Variants in DNAJC6 observed in about 807,000 individuals in gnomAD.
DNAJC6 encodes DnaJ heat shock protein family (Hsp40) member C6, also known as auxilin.
In DNAJC6, 34 loss-of-function variants were observed where a neutral mutation model predicts 110.0. The observed-to-expected ratio is 0.31, with a 90% CI of 0.24 to 0.41. DNAJC6 has a LOEUF of 0.41. Ranked by LOEUF, DNAJC6 falls within the 10% of genes least tolerant of loss-of-function variation. DNAJC6 has a pLI of 1.00. For missense variants in DNAJC6, 1,031 were observed against 1,207.8 expected, an observed-to-expected ratio of 0.85 and a Z score of 2.17; for synonymous variants, 406 against 437.2, an observed-to-expected ratio of 0.93 and a Z score of 0.89.
At chr1:65,350,291 A>G (rs1645478654) in intron 1 of DNAJC6, among the ~76,000 whole-genome samples, 1 of 152,186 alleles carries the variant, frequency 6.6e-6, no homozygotes, top group Admixed American at 6.5e-5. Flanking sequence ...AAGATCATTT[A>G]GCAAAATTTT....
chr1:65,398,169 G>T (rs1037914736), intron 13 of DNAJC6, among the ~76,000 whole-genome samples: 1 of 152,068 alleles, frequency 6.6e-6, no homozygotes, highest in Non-Finnish European at 1.5e-5. Flanking sequence ...GAACTTTGAG[G>T]GGGGGTCAGA....
At chr1:65,318,647 A>G (rs1006546044) in intron 1 of DNAJC6, among the ~76,000 whole-genome samples, 6 of 152,214 alleles carry the variant, frequency 3.9e-5, no homozygotes, top group Non-Finnish European at 7.3e-5. Flanking sequence ...GCGGGAGCTG[A>G]AGATGAGAAC....
intron 15 of DNAJC6, among the ~76,000 whole-genome samples, chr1:65,404,570 G>A (rs988670089): frequency 3.3e-5 from 5 of 152,164 alleles, no homozygotes; most frequent in African/African-American, 9.7e-5. Context: ...AATGAAGAAC[G>A]AATGCAAGAA....
rs7546924 is a variant in DNAJC6, at chr1:65,409,107, A to G, written c.2634+324A>G. Reference sequence around the variant, plus strand: ...TCTTGCTCAGGCCTCTTTCATAAGGACACTAATCCCATTTATAAGAGGTCT... The same window carrying G: ...TCTTGCTCAGGCCTCTTTCATAAGGGCACTAATCCCATTTATAAGAGGTCT... On this transcript the variant is annotated intron_variant, in intron 17 of 18. Coordinates refer to ENST00000371069, the MANE Select transcript of DNAJC6 (RefSeq NM_001256864.2). Among the ~76,000 whole-genome samples the G allele has an allele frequency of 0.58, 88,551 of 151,938 alleles. 28,140 individuals are homozygous for G. Among genetic ancestry groups the G allele is most frequent in the East Asian group, 0.85 (4,374 of 5,148 alleles).
chr1:65,333,250 T>C (rs1645304767), intron 1 of DNAJC6, among the ~76,000 whole-genome samples: 1 of 152,182 alleles, frequency 6.6e-6, no homozygotes, highest in African/African-American at 2.4e-5. Context: ...AGCAGAGATC[T>C]TTGGATATGC....
chr1:65,330,480 G>GT (rs537764100), intron 1 of DNAJC6, among the ~76,000 whole-genome samples: 99 of 151,034 alleles, frequency 6.6e-4, no homozygotes, highest in Non-Finnish European at 1.3e-3. Context: ...GTTTTGTTTT[G>GT]TTTTTTGAGA....
intron 1 of DNAJC6, among the ~76,000 whole-genome samples, chr1:65,320,361 A>G (rs750601532): frequency 6.6e-6 from 1 of 152,158 alleles, no homozygotes; most frequent in African/African-American, 2.4e-5. Context: ...AAGCCTAGAT[A>G]TATTGCTCTA....
chr1:65,279,108 A>G (rs1362594478), intron 1 of DNAJC6: 1 of 985,354 alleles, frequency 1.0e-6, no homozygotes. Context: ...AAATCTAACA[A>G]GAGCCCAGCA....
chr1:65,401,421 C>T (rs1646029381), intron 14 of DNAJC6, among the ~76,000 whole-genome samples: 2 of 152,178 alleles, frequency 1.3e-5, no homozygotes, highest in Non-Finnish European at 2.9e-5. Flanking sequence ...CACGGTCACT[C>T]AGGAATTGGC....
At chr1:65,270,259 ACTTCT>A (rs1337772270) in intron 1 of DNAJC6, among the ~76,000 whole-genome samples, 1 of 152,176 alleles carries the variant, frequency 6.6e-6, no homozygotes, top group Non-Finnish European at 1.5e-5. Flanking sequence ...AACTTATTTC[ACTTCT>A]CTTTTACATT....
chr1:65,364,591 G>A, intron 1 of DNAJC6, 44 bp from the exon 2 acceptor site: 1 of 1,574,122 alleles, frequency 6.4e-7, no homozygotes, highest in South Asian at 1.2e-5. Context: ...TGGATTCTCT[G>A]CCATCACCAT....
intron 1 of DNAJC6, among the ~76,000 whole-genome samples, chr1:65,318,389 G>A (rs1455557883): frequency 6.6e-6 from 1 of 152,138 alleles, no homozygotes; most frequent in Non-Finnish European, 1.5e-5. Flanking sequence ...CAGCCCCAGG[G>A]AAAAGAGGGC....
upstream of DNAJC6, among the ~76,000 whole-genome samples, chr1:65,306,864 A>G (rs1339980551): frequency 6.6e-6 from 1 of 152,018 alleles, no homozygotes. Flanking sequence ...AGCTTTTCCC[A>G]TTTGAAAAAC....
intron 1 of DNAJC6, among the ~76,000 whole-genome samples, chr1:65,321,026 G>A (rs1327704755): frequency 6.6e-6 from 1 of 152,164 alleles, no homozygotes; most frequent in East Asian, 1.9e-4. Context: ...AGTGAACTAG[G>A]AGGGCATGGC....
At position 65,357,880 on chromosome 1, in the gene DNAJC6, G is replaced by T. The variant is rs569898431; in HGVS notation, c.194-6755G>T. The stretch of plus-strand genomic sequence containing the variant: ...TATTTTATGTAACATATTTTTAATT[G>T]TAAAACTAATGAATGTGGCCGGGCA... On this transcript the variant is annotated intron_variant, in intron 1 of 18. Transcript: ENST00000371069. Among the ~76,000 whole-genome samples, 4 of 152,178 alleles carry T rather than the reference G, an allele frequency of 2.6e-5. No individual in the cohort carries two copies. In the South Asian group the frequency reaches 6.2e-4, roughly 24 times the overall value.
At chr1:65,329,084 C>G (rs1479004719) in intron 1 of DNAJC6, among the ~76,000 whole-genome samples, 1 of 151,812 alleles carries the variant, frequency 6.6e-6, no homozygotes, top group Non-Finnish European at 1.5e-5. Flanking sequence ...GATGAGAGTC[C>G]TTTCCCAGTG....
At chr1:65,316,433 C>G (rs760231672) in intron 1 of DNAJC6, among the ~76,000 whole-genome samples, 2 of 152,196 alleles carry the variant, frequency 1.3e-5, no homozygotes, top group Admixed American at 1.3e-4. Context: ...CCTTTACTTC[C>G]GTATCACAGC....
At chr1:65,377,411 A>C (rs1395581040) in intron 4 of DNAJC6, among the ~76,000 whole-genome samples, 1 of 152,200 alleles carries the variant, frequency 6.6e-6, no homozygotes, top group Non-Finnish European at 1.5e-5. Context: ...ATGTGGGTAA[A>C]GACTAGACCA....
intron 15 of DNAJC6, among the ~76,000 whole-genome samples, chr1:65,405,624 C>T (rs1004986667): frequency 6.6e-6 from 1 of 152,116 alleles, no homozygotes; most frequent in Admixed American, 6.6e-5. Context: ...AATCACTTAA[C>T]TGCTCTGACC....
Sources: gnomAD v4.1 joint callset for allele counts (sites outside exome capture counted in the v4.1 genomes callset) on GRCh38, gnomAD v4.1.1 for gene constraint, MANE v1.5 for transcripts, NCBI Gene and HGNC (gene_info 2026-07-23, HGNC 2026-07-21) for gene names.